The following DOCK6 variants were observed in gnomAD, a reference collection of about 807,000 sequenced individuals.
The protein encoded by DOCK6 is dedicator of cytokinesis 6.
A neutral mutation model predicts 230.3 loss-of-function variants in DOCK6; 167 were observed. The ratio of observed to expected loss-of-function variants is 0.73; its 90% CI spans 0.64 to 0.82. The LOEUF is 0.82. Ranked by LOEUF, DOCK6 falls within the 40% of genes least tolerant of loss-of-function variation. DOCK6 has a pLI of 0.00. For missense variants in DOCK6, 2,598 were observed against 2,825.8 expected, an observed-to-expected ratio of 0.92 and a Z score of 1.83; for synonymous variants, 1,148 against 1,185.0, an observed-to-expected ratio of 0.97 and a Z score of 0.64.
intron 24 of DOCK6, among the ~76,000 whole-genome samples, chr19:11,224,391 A>G (rs942812278): frequency 6.6e-6 from 1 of 151,684 alleles, no homozygotes; most frequent in Non-Finnish European, 1.5e-5. Flanking sequence ...CTGTGTTTTT[A>G]GTAGAGACAG....
Position 11,200,554 on chromosome 19 carries a change from G to A in DOCK6, c.5940-85C>T. The A allele has an allele frequency of 6.5e-7, 1 of 1,548,382 alleles. No individual in the cohort carries two copies. The highest frequency in any genetic ancestry group is 8.7e-7 in the Non-Finnish European group (1 of 1,147,100). On this transcript the variant is annotated intron_variant, in intron 46 of 47. Transcript: ENST00000294618. The surrounding 1 kb of genome is among the most constrained non-coding windows in gnomAD (Gnocchi z 4.3). ...AGGGGTGGGGGCACCCATAAGGCGGGACCAGGCCTGCAGAAAGACCCGCAA... is the reference window on the plus strand; with the variant it reads ...AGGGGTGGGGGCACCCATAAGGCGGAACCAGGCCTGCAGAAAGACCCGCAA...
At chr19:11,238,002 C>T (rs190273098) in intron 16 of DOCK6, 43 bp downstream of exon 16, 3 of 1,606,478 alleles carry the variant, frequency 1.9e-6, no homozygotes, top group Non-Finnish European at 1.7e-6. Context: ...ATCCTCCTAC[C>T]CCCATGAGTG....
At chr19:11,220,470 A>C (rs1487916797) in intron 28 of DOCK6, among the ~76,000 whole-genome samples, 1 of 152,206 alleles carries the variant, frequency 6.6e-6, no homozygotes, top group African/African-American at 2.4e-5. Context: ...GATTGGACTG[A>C]GGTGATCAGC....
At chr19:11,240,422 C>A (rs2147842982) in intron 14 of DOCK6, 1 of 993,760 alleles carries the variant, frequency 1.0e-6, no homozygotes, top group Non-Finnish European at 1.4e-6. Context: ...CCCTGCATGT[C>A]CCCAGACAAA....
At chr19:11,240,187 G>A in intron 14 of DOCK6, 1 of 1,554,800 alleles carries the variant, frequency 6.4e-7, no homozygotes, top group Non-Finnish European at 8.7e-7. Flanking sequence ...GAGGTGCTGG[G>A]GGAGGTGGCC....
rs1568258583 is a variant in DOCK6 at position 11,245,815 on chromosome 19, C to A, written c.870G>T (p.Lys290Asn). The A allele has an allele frequency of 1.7e-5, 27 of 1,576,358 alleles. No homozygotes were observed. Among genetic ancestry groups the A allele is most frequent in the Middle Eastern group, 3.3e-4 (2 of 6,016 alleles). ...ILALYDVREK[K>N]KISENFYFDL... ...AAGAGAAAAAAGGGCCTCCTACCTT[C>A]TTTTTCTCCCGCACATCATACAGAG... is the stretch of plus-strand genomic sequence containing the variant. Residue 290 changes from lysine (K) to asparagine (N), a missense_variant, in exon 8 of 48, where the codon AAG becomes AAT. By Grantham distance (94) the Lys-to-Asn change is moderately conservative. Transcript: ENST00000294618.
At position 11,227,241 on chromosome 19, in the gene DOCK6, C is replaced by T. The variant is rs181988828; in HGVS notation, c.2955+96G>A. On this transcript the variant is annotated intron_variant, in intron 24 of 47. Coordinates refer to ENST00000294618, the MANE Select transcript of DOCK6 (RefSeq NM_020812.4). ...CCAGCAAAGTGGATTCCTGGTCTTA[C>T]GGCCAGGAGACACTGGGCAGGATTG... is the stretch of plus-strand genomic sequence containing the variant. The T allele has an allele frequency of 1.3e-3, 1,990 of 1,509,410 alleles. 2 individuals carry two copies. Among genetic ancestry groups the T allele is most frequent in the Non-Finnish European group, 1.7e-3 (1,881 of 1,112,282 alleles). 93.5% of individuals were successfully genotyped at this position (1,509,410 alleles called of 1,614,324 possible).
At chr19:11,232,612 T>C (rs199776497) in intron 22 of DOCK6, among the ~76,000 whole-genome samples, 4 of 92,772 alleles carry the variant, frequency 4.3e-5, no homozygotes, top group Non-Finnish European at 7.7e-5. Flanking sequence ...ACTGTGTATA[T>C]GCACCTGTGT....
rs1037259273 is a variant in DOCK6 at position 11,200,069 on chromosome 19, G to C, written c.6101+239C>G. Among the ~76,000 whole-genome samples the C allele has an allele frequency of 2.0e-5, 3 of 149,724 alleles. No individual in the cohort carries two copies. Among genetic ancestry groups the C allele is most frequent in the Non-Finnish European group, 4.4e-5 (3 of 67,752 alleles). On this transcript the variant is annotated intron_variant, in intron 47 of 47. Transcript: ENST00000294618. The surrounding 1 kb of genome is among the most constrained non-coding windows in gnomAD (Gnocchi z 4.3). ...GGAGGCTGAGGCAGGAGACTCGCTT[G>C]AATCTGGGAGGCGGAGGTTGCAGTG...
Position 11,262,385 on chromosome 19 carries a change from C to G in DOCK6, c.44+12G>C. 1 of 1,278,860 alleles carries G rather than the reference C, an allele frequency of 7.8e-7. No individual in the cohort carries two copies. Among genetic ancestry groups the G allele is most frequent in the Non-Finnish European group, 9.9e-7 (1 of 1,011,350 alleles). 79.2% of individuals were successfully genotyped at this position (1,278,860 alleles called of 1,614,324 possible). A position where few individuals can be genotyped will look rare whatever the true frequency, so the allele number is the denominator to read the frequency against. On this transcript the variant is annotated intron_variant, in intron 1 of 47. Transcript: ENST00000294618. ...GTGGGGGAGGTGGGAGGGGGCCCCG[C>G]GGCCACACTACCTGTTGATCTTGTG...
In DOCK6 at chr19:11,202,473, G is replaced by A. The variant is rs767486961; in HGVS notation, c.5372C>T (p.Thr1791Met). ...EISHRLEEFY[T>M]ERFGDDVVEI... ...AACGACGTCGTCGCCAAATCTCTCC[G>A]TGTAGAACTCCTGGAGACACAGGGC... The change falls in exon 43 of 48, where the codon ACG becomes ATG. Residue 1791 changes from threonine (T) to methionine (M), a missense_variant. Coordinates refer to ENST00000294618, the MANE Select transcript of DOCK6 (RefSeq NM_020812.4). The surrounding 1 kb of genome is among the most constrained non-coding windows in gnomAD (Gnocchi z 5.3). 26 of 1,613,280 alleles carry A rather than the reference G, an allele frequency of 1.6e-5. No individual in the cohort carries two copies. Among genetic ancestry groups the A allele is most frequent in the African/African-American group, 8.0e-5 (6 of 74,914 alleles).
intron 14 of DOCK6, chr19:11,240,116 C>T (rs2079918382): frequency 6.4e-7 from 1 of 1,551,444 alleles, no homozygotes; most frequent in African/African-American, 1.4e-5. Context: ...CTACTAGTGA[C>T]CCACTGTTTA....
chr19:11,259,669 T>C (rs539094051), intron 1 of DOCK6, among the ~76,000 whole-genome samples: 21 of 149,954 alleles, frequency 1.4e-4, no homozygotes, highest in Non-Finnish European at 2.5e-4. Context: ...GCAATTCTCC[T>C]GCCTAAGCCT....
chr19:11,258,784 G>A (rs557950248), intron 1 of DOCK6, among the ~76,000 whole-genome samples: 123 of 148,430 alleles, frequency 8.3e-4, no homozygotes, highest in African/African-American at 3.0e-3. Flanking sequence ...TTCTTGAGAC[G>A]GAGTCTCTGT....
chr19:11,203,678 A>C, intron 41 of DOCK6: 1 of 237,618 alleles, frequency 4.2e-6, no homozygotes. Context: ...GAAGCTGGGT[A>C]CGCAGGGAGA....
intron 24 of DOCK6, among the ~76,000 whole-genome samples, chr19:11,225,540 A>C (rs376517956): frequency 7.9e-5 from 12 of 151,518 alleles, no homozygotes; most frequent in South Asian, 2.1e-4. Flanking sequence ...CACACACACA[A>C]AAATAGGTGG....
intron 37 of DOCK6, among the ~76,000 whole-genome samples, chr19:11,209,395 T>G (rs1348251244): frequency 2.6e-5 from 4 of 151,902 alleles, no homozygotes; most frequent in African/African-American, 9.7e-5. Context: ...CCTCCTCACT[T>G]GTCCTGCTGT....
intron 41 of DOCK6, chr19:11,203,524 T>C (rs2079205738): frequency 1.3e-5 from 2 of 153,866 alleles, no homozygotes; most frequent in African/African-American, 4.8e-5. Flanking sequence ...GCTCTGGGTT[T>C]CTGCCATCTT....
intron 22 of DOCK6, chr19:11,232,172 G>C (rs1197471236): frequency 7.8e-7 from 1 of 1,287,924 alleles, no homozygotes; most frequent in Non-Finnish European, 1.0e-6. Context: ...GCAGGGACAG[G>C]TAGGAAGGGC....
Sources: allele counts gnomAD v4.1 joint callset (sites outside exome capture counted in the v4.1 genomes callset), GRCh38; gene constraint gnomAD v4.1.1; non-coding constraint Gnocchi (gnomAD v3.1); transcripts MANE v1.5; gene names NCBI Gene and HGNC (gene_info 2026-07-23, HGNC 2026-07-21).